Variants in FURIN observed in about 807,000 individuals in gnomAD.
FURIN encodes the protein furin, paired basic amino acid cleaving enzyme, also known as FES upstream region.
A neutral mutation model predicts 89.2 loss-of-function variants in FURIN; 18 were observed. The ratio of observed to expected loss-of-function variants is 0.20; its 90% CI spans 0.14 to 0.30. FURIN has a LOEUF of 0.30. Ranked by LOEUF, FURIN falls within the 10% of genes least tolerant of loss-of-function variation. The pLI is 1.00. For missense variants in FURIN, 879 were observed against 1,100.5 expected, an observed-to-expected ratio of 0.80 and a Z score of 2.85; for synonymous variants, 508 against 466.4, an observed-to-expected ratio of 1.09 and a Z score of -1.15.
rs200381258 is a variant in FURIN at position 90,880,802 on chromosome 15, A to T, written c.1668A>T (p.Glu556Asp). Reference protein sequence around the residue: ...EWVLEIENTSEANNYGTLTKF... With the variant: ...EWVLEIENTSDANNYGTLTKF... ...TCCTAGAGATTGAAAACACCAGCGA[A>T]GCCAACAACTATGGTACTGGGGGCA... The change falls in exon 14 of 16, where the codon GAA becomes GAT. Residue 556 changes from glutamate to aspartate, a missense_variant. Around this residue, in one of 5 missense-constraint regions of FURIN, gnomAD observed 457 missense variants for 490.7 expected, o/e 0.93. Transcript: ENST00000268171. The T allele has an allele frequency of 6.2e-7, 1 of 1,613,652 alleles. No homozygotes were observed. The highest frequency in any genetic ancestry group is 8.5e-7 in the Non-Finnish European group (1 of 1,179,772).
chr15:90,877,033 G>A lies in FURIN; in HGVS notation c.501+9G>A, dbSNP rs775509317. On this transcript the variant is annotated intron_variant, in intron 5 of 15. Coordinates refer to ENST00000268171, the MANE Select transcript of FURIN (RefSeq NM_002569.4). ...ACTTGGCAGGCAATTATGTGAGGAA[G>A]TCGGGGAGGGAGGCCGTGATCCCTG... 1 of 1,614,168 alleles carries A rather than the reference G, an allele frequency of 6.2e-7. No individual in the cohort carries two copies. Among genetic ancestry groups the A allele is most frequent in the East Asian group, 2.2e-5 (1 of 44,878 alleles).
At position 90,878,995 on chromosome 15, in the gene FURIN, TG is replaced by T. The variant is rs1205102378; in HGVS notation, c.1053+24del. 2 of 1,078,490 alleles carry T rather than the reference TG, an allele frequency of 1.9e-6. No homozygotes were observed. The highest frequency in any genetic ancestry group is 2.7e-6 in the Non-Finnish European group (2 of 733,718). 66.8% of individuals were successfully genotyped at this position (1,078,490 alleles called of 1,614,324 possible). A position where few individuals can be genotyped will look rare whatever the true frequency, so the allele number is the denominator to read the frequency against. On this transcript the variant is annotated intron_variant, in intron 9 of 15. Coordinates refer to ENST00000268171, the MANE Select transcript of FURIN (RefSeq NM_002569.4). Reference sequence around the variant, plus strand: ...GCAGATCGTGAGTCTTACCTGGGGGTGGGGGCTGGGGAGATGGGGCTGCTGG... The same window carrying T: ...GCAGATCGTGAGTCTTACCTGGGGGTGGGGCTGGGGAGATGGGGCTGCTGG...
At chr15:90,875,489 C>A in intron 1 of FURIN, 93 bp from the exon 2 acceptor site, 1 of 409,026 alleles carries the variant, frequency 2.4e-6, no homozygotes, top group Non-Finnish European at 4.3e-6. Flanking sequence ...CATTTCAGGC[C>A]CCAATTGAAA....
intron 1 of FURIN, among the ~76,000 whole-genome samples, chr15:90,874,409 C>T (rs1343589290): frequency 6.6e-6 from 1 of 152,250 alleles, no homozygotes; most frequent in African/African-American, 2.4e-5. Flanking sequence ...CCAGGCAGGG[C>T]AGGGCTTGGC....
chr15:90,871,977 C>T (rs1175385154), intron 1 of FURIN, among the ~76,000 whole-genome samples: 2 of 151,394 alleles, frequency 1.3e-5, no homozygotes, highest in Non-Finnish European at 3.0e-5. Flanking sequence ...GAAGCGCCTG[C>T]GGGGCCCCTG....
At position 90,879,919 on chromosome 15, in the gene FURIN, G is replaced by A. The variant is rs757229903; in HGVS notation, c.1311G>A (p.Leu437=). The change falls in exon 12 of 16, where the codon CTG becomes CTA. Residue 437 remains leucine, a synonymous_variant. Coordinates refer to ENST00000268171, the MANE Select transcript of FURIN (RefSeq NM_002569.4). ...TGGACGCAGGCGCCATGGTGGCCCT[G>A]GCCCAGAATTGGACCACAGTGGCCC... ...GLLDAGAMVA[L]AQNWTTVAPQ... 16 of 1,613,296 alleles carry A rather than the reference G, an allele frequency of 9.9e-6. No individual in the cohort carries two copies. The highest frequency in any genetic ancestry group is 1.3e-5 in the Non-Finnish European group (15 of 1,180,042).
rs2032126444 is a variant in FURIN, at chr15:90,883,249, G to GT, written c.*1372dup. 6.5e-6 allele frequency: 1 copy of GT among 152,818 alleles called. No homozygotes were observed. The highest frequency in any genetic ancestry group is 1.5e-5 in the Non-Finnish European group (1 of 68,214). 9.5% of individuals were successfully genotyped at this position (152,818 alleles called of 1,614,324 possible). On this transcript the variant is annotated 3_prime_UTR_variant, in exon 16 of 16. Coordinates refer to ENST00000268171, the MANE Select transcript of FURIN (RefSeq NM_002569.4). Reference sequence around the variant, plus strand: ...TTCTTTTCTACCCTAGCCATTCCTGGTACCCAGCCATCTGCCCAGGGGTGC... The same window carrying GT: ...TTCTTTTCTACCCTAGCCATTCCTGGTTACCCAGCCATCTGCCCAGGGGTGC...
At chr15:90,870,453 A>G (rs973719661) in intron 1 of FURIN, among the ~76,000 whole-genome samples, 5 of 152,024 alleles carry the variant, frequency 3.3e-5, no homozygotes, top group Non-Finnish European at 7.4e-5. Flanking sequence ...TGCCTGGCTC[A>G]TAGAAAACAC....
At position 90,878,772 on chromosome 15, in the gene FURIN, G is replaced by C. The variant is rs777499120; in HGVS notation, c.849G>C (p.Gly283=). Residue 283 remains glycine (G), a synonymous_variant, in exon 9 of 16, where the codon GGG becomes GGC. Coordinates refer to ENST00000268171, the MANE Select transcript of FURIN (RefSeq NM_002569.4). ...GCCCACTCTGTCCACAGGGCCGAGG[G>C]GGGCTGGGCTCCATCTTTGTCTGGG... ...AFFRGVSQGR[G]GLGSIFVWAS... is the part of the protein sequence containing the mutation. 2 of 1,599,856 alleles carry C rather than the reference G, an allele frequency of 1.3e-6. No individual in the cohort carries two copies. The highest frequency in any genetic ancestry group is 2.2e-5 in the East Asian group (1 of 44,826).
At chr15:90,871,567 CG>C (rs1468195690) in intron 1 of FURIN, 1 of 1,168 alleles carries the variant, frequency 8.6e-4, no homozygotes, top group Non-Finnish European at 2.0e-3. Context: ...GCCGCCGCGG[CG>C]GTCGCCTGGA....
Position 90,881,942 on chromosome 15 carries a change from A to T in FURIN, c.*64A>T, listed in dbSNP as rs2032006344. The T allele has an allele frequency of 1.7e-6, 2 of 1,170,016 alleles. No individual in the cohort carries two copies. The highest frequency in any genetic ancestry group is 2.2e-5 in the Admixed American group (1 of 44,514). 72.5% of individuals were successfully genotyped at this position (1,170,016 alleles called of 1,614,324 possible). The stretch of plus-strand genomic sequence containing the variant: ...TGGGCACTTTTTAATTCACCAAAGT[A>T]TTTTTTTATCTTGGGACTGGGTTTG... On this transcript the variant is annotated 3_prime_UTR_variant, in exon 16 of 16. Coordinates refer to ENST00000268171, the MANE Select transcript of FURIN (RefSeq NM_002569.4). This position sits in a 1 kb window ranked among gnomAD's most constrained non-coding sequence, Gnocchi z 4.3.
intron 1 of FURIN, among the ~76,000 whole-genome samples, chr15:90,873,909 G>C (rs1170814497): frequency 7.9e-5 from 12 of 152,252 alleles, no homozygotes; most frequent in Admixed American, 3.9e-4. Context: ...GACTGCAGCA[G>C]TCAGGGAGGC....
chr15:90,874,258 A>G (rs1246520064), intron 1 of FURIN, among the ~76,000 whole-genome samples: 2 of 152,242 alleles, frequency 1.3e-5, no homozygotes. Flanking sequence ...GAAGGAGGAA[A>G]AACAACACTC....
chr15:90,879,418 C>T (rs1246769764), intron 9 of FURIN, 26 bp from the exon 10 acceptor site: 3 of 1,534,506 alleles, frequency 2.0e-6, no homozygotes, highest in African/African-American at 2.7e-5. Context: ...CCATCACAGG[C>T]CCCAATATGA....
chr15:90,876,504 C>T lies in FURIN; in HGVS notation c.319C>T (p.Arg107Trp). The T allele has an allele frequency of 3.1e-6, 5 of 1,613,938 alleles. No individual in the cohort carries two copies. The highest frequency in any genetic ancestry group is 3.4e-6 in the Non-Finnish European group (4 of 1,179,862). The change falls in exon 4 of 16, where the codon CGG (arginine) becomes TGG (tryptophan). Residue 107 changes from arginine to tryptophan, a missense_variant. Around this residue, in one of 5 missense-constraint regions of FURIN, gnomAD observed 139 missense variants for 215.0 expected, o/e 0.65. Coordinates refer to ENST00000268171, the MANE Select transcript of FURIN (RefSeq NM_002569.4). The surrounding 1 kb of genome is among the most constrained non-coding windows in gnomAD (Gnocchi z 5.0). ...GCAGGTGGCAAAGCGACGGACTAAA[C>T]GGGACGTGTACCAGGAGCCCACAGA... ...EQQVAKRRTKRDVYQEPTDPK... is the reference protein window; with the variant it reads ...EQQVAKRRTKWDVYQEPTDPK...
At chr15:90,870,288 TATC>T (rs1352404216) in intron 1 of FURIN, among the ~76,000 whole-genome samples, 2 of 152,196 alleles carry the variant, frequency 1.3e-5, no homozygotes, top group Non-Finnish European at 2.9e-5. Context: ...CCTTAAGAAT[TATC>T]ATGATTTAAC....
Position 90,876,405 on chromosome 15 carries a change from A to AGGAG in FURIN, c.276+53_277-53dup. On this transcript the variant is annotated intron_variant, in intron 3 of 15. Coordinates refer to ENST00000268171, the MANE Select transcript of FURIN (RefSeq NM_002569.4). The surrounding 1 kb of genome is among the most constrained non-coding windows in gnomAD (Gnocchi z 5.0). Reference sequence around the variant, plus strand: ...CTGCCACCCTCCCCCTCCTGCTCTCAGGAGCCCCTCTCGCCTCCTGCTCCA... The same window carrying AGGAG: ...CTGCCACCCTCCCCCTCCTGCTCTCAGGAGGGAGCCCCTCTCGCCTCCTGCTCCA... The AGGAG allele has an allele frequency of 6.6e-7, 1 of 1,517,042 alleles. No homozygotes were observed. Among genetic ancestry groups the AGGAG allele is most frequent in the Non-Finnish European group, 9.1e-7 (1 of 1,093,878 alleles). The allele number at this position is 1,517,042 out of a possible 1,614,324, so 94.0% of individuals were successfully genotyped here.
chr15:90,880,361 G>A (rs1466512051), intron 13 of FURIN, 88 bp downstream of exon 13: 1 of 1,118,550 alleles, frequency 8.9e-7, no homozygotes, highest in East Asian at 2.5e-5. Context: ...ACGGCCCAGG[G>A]GGCACTGAGT....
chr15:90,877,314 T>A, intron 6 of FURIN, 103 bp downstream of exon 6: 1 of 1,102,970 alleles, frequency 9.1e-7, no homozygotes, highest in South Asian at 1.6e-5. Context: ...AGGCTGAGGC[T>A]TTTCCCACAG....
Sources: allele counts gnomAD v4.1 joint callset (sites outside exome capture counted in the v4.1 genomes callset), GRCh38; gene constraint gnomAD v4.1.1; regional missense constraint gnomAD v4.1.1; non-coding constraint Gnocchi (gnomAD v3.1); transcripts MANE v1.5; gene names NCBI Gene and HGNC (gene_info 2026-07-23, HGNC 2026-07-21).